Variants in PANX1 observed in about 807,000 individuals in gnomAD.
PANX1 encodes pannexin 1.
Under a neutral mutation model 38.7 loss-of-function variants are expected in PANX1, and 30 were observed. The observed-to-expected ratio is 0.78, with a 90% CI of 0.58 to 1.05. The LOEUF (loss-of-function observed/expected upper bound fraction) is 1.05, where lower values mean the gene tolerates loss of function less well. Ranked by LOEUF, PANX1 falls within the 50% of genes least tolerant of loss-of-function variation. PANX1 has a pLI of 0.00. For missense variants in PANX1, 551 were observed against 517.2 expected (o/e 1.07, Z -0.63); for synonymous variants, 230 against 212.2 (o/e 1.08, Z -0.73).
intron 2 of PANX1, among the ~76,000 whole-genome samples, chr11:94,165,200 T>C (rs1300581459): frequency 6.6e-6 from 1 of 152,108 alleles, no homozygotes; most frequent in African/African-American, 2.4e-5. Context: ...AAGGACTTAC[T>C]ACTGCAATTT....
At chr11:94,158,471 G>A (rs11020663) in intron 2 of PANX1, among the ~76,000 whole-genome samples, 80,030 of 151,174 alleles carry the variant, frequency 0.53, 21,984 homozygotes, top group African/African-American at 0.67. Flanking sequence ...CACATCCCTT[G>A]TAAGTTGGAT....
chr11:94,160,786 T>G (rs1418758572), intron 2 of PANX1, among the ~76,000 whole-genome samples: 1 of 152,202 alleles, frequency 6.6e-6, no homozygotes, highest in Admixed American at 6.5e-5. Context: ...AGCTGGTTAT[T>G]TTGCCGTTAG....
chr11:94,145,030 A>T (rs1227642828), intron 1 of PANX1, among the ~76,000 whole-genome samples: 1 of 152,210 alleles, frequency 6.6e-6, no homozygotes, highest in Non-Finnish European at 1.5e-5. Flanking sequence ...CATAGGGGAA[A>T]TGATATCAAC....
At chr11:94,171,358 A>G (rs1947164591) in intron 2 of PANX1, among the ~76,000 whole-genome samples, 1 of 151,724 alleles carries the variant, frequency 6.6e-6, no homozygotes, top group Non-Finnish European at 1.5e-5. Context: ...TTGACATGAA[A>G]ATATCTTGCC....
chr11:94,135,532 G>A (rs952826249), intron 1 of PANX1, among the ~76,000 whole-genome samples: 1 of 152,158 alleles, frequency 6.6e-6, no homozygotes, highest in Non-Finnish European at 1.5e-5. Context: ...TTGTCTATCA[G>A]AGTGGGCCAA....
rs759950222 is a variant in PANX1, at chr11:94,129,316, G to C, written c.4G>C (p.Ala2Pro). The change falls in exon 1 of 5, where the codon GCC (alanine) becomes CCC (proline). Residue 2 changes from alanine to proline, a missense_variant. By Grantham distance (27) the Ala-to-Pro change is conservative (BLOSUM62 -1). Coordinates refer to ENST00000227638, the MANE Select transcript of PANX1 (RefSeq NM_015368.4). ...TCGAGCCTGGCGCGCCGCAGCCATGGCCATCGCTCAACTGGCCACGGAGTA... is the reference window on the plus strand; with the variant it reads ...TCGAGCCTGGCGCGCCGCAGCCATGCCCATCGCTCAACTGGCCACGGAGTA... M[A>P]IAQLATEYVF... The C allele has an allele frequency of 1.6e-5, 25 of 1,605,790 alleles. No homozygotes were observed. Among genetic ancestry groups the C allele is most frequent in the Non-Finnish European group, 1.2e-5 (14 of 1,173,748 alleles).
chr11:94,142,209 C>A (rs1392124127), intron 1 of PANX1, among the ~76,000 whole-genome samples: 2 of 152,198 alleles, frequency 1.3e-5, no homozygotes, highest in East Asian at 3.9e-4. Flanking sequence ...CTTCCCTACC[C>A]CTTGGATTCC....
At chr11:94,156,558 G>T in intron 2 of PANX1, among the ~76,000 whole-genome samples, 1 of 152,072 alleles carries the variant, frequency 6.6e-6, no homozygotes, top group Non-Finnish European at 1.5e-5. Context: ...AGGGACAAGA[G>T]TCCTGATTTA....
intron 1 of PANX1, among the ~76,000 whole-genome samples, chr11:94,146,242 T>C (rs1299089847): frequency 6.6e-6 from 1 of 152,170 alleles, no homozygotes; most frequent in Non-Finnish European, 1.5e-5. Flanking sequence ...AAATATTGAA[T>C]AACAAAGGAT....
intron 1 of PANX1, among the ~76,000 whole-genome samples, chr11:94,142,581 C>T (rs1349762204): frequency 2.0e-5 from 3 of 152,182 alleles, no homozygotes; most frequent in Non-Finnish European, 4.4e-5. Context: ...CCTTTGAGTA[C>T]GAACATTTGT....
At chr11:94,161,420 C>T (rs1234727996) in intron 2 of PANX1, among the ~76,000 whole-genome samples, 1 of 151,872 alleles carries the variant, frequency 6.6e-6, no homozygotes, top group African/African-American at 2.4e-5. Flanking sequence ...GGCTTTGTTT[C>T]TTTTTACTCT....
intron 2 of PANX1, among the ~76,000 whole-genome samples, chr11:94,165,651 C>G (rs1235413724): frequency 6.6e-6 from 1 of 152,194 alleles, no homozygotes; most frequent in Non-Finnish European, 1.5e-5. Context: ...TGGCTCATGC[C>G]TGTAATCCCA....
chr11:94,147,987 CCTG>C (rs1946846803), intron 1 of PANX1, among the ~76,000 whole-genome samples: 1 of 152,026 alleles, frequency 6.6e-6, no homozygotes, highest in Non-Finnish European at 1.5e-5. Flanking sequence ...AGGTGTTAGC[CCTG>C]ATGTGTTCTC....
chr11:94,180,951 AGCTGGTTT>A lies in PANX1; in HGVS notation c.*85_*92del, dbSNP rs1351957798. The A allele has an allele frequency of 7.5e-6, 6 of 803,292 alleles. No homozygotes were observed. The highest frequency in any genetic ancestry group is 1.7e-5 in the African/African-American group (1 of 58,688). 49.8% of individuals were successfully genotyped at this position (803,292 alleles called of 1,614,324 possible). Reference sequence around the variant, plus strand: ...GCTAAAGCACCCCTGTTGGTTTCACAGCTGGTTTGCAATAAATGGTTCTTGGTGGAGAT... The same window carrying A: ...GCTAAAGCACCCCTGTTGGTTTCACAGCAATAAATGGTTCTTGGTGGAGAT... On this transcript the variant is annotated 3_prime_UTR_variant, in exon 5 of 5. Transcript: ENST00000227638.
At chr11:94,139,627 C>G (rs749595860) in intron 1 of PANX1, among the ~76,000 whole-genome samples, 1 of 152,186 alleles carries the variant, frequency 6.6e-6, no homozygotes, top group Non-Finnish European at 1.5e-5. Flanking sequence ...GACTCTCAGC[C>G]CCAACCCCTG....
rs565075801 is a variant in PANX1, at chr11:94,170,636, C to T, written c.322-7733C>T. On this transcript the variant is annotated intron_variant, in intron 2 of 4. Transcript: ENST00000227638. The stretch of plus-strand genomic sequence containing the variant: ...TTCTCCACACTGAGCAGACTCGGGA[C>T]TGTTAAGCTGTTAGGGTCCTCTCAT... Among the ~76,000 whole-genome samples, 41 of 151,854 alleles carry T rather than the reference C, an allele frequency of 2.7e-4. 3 individuals carry two copies. Among genetic ancestry groups the T allele is most frequent in the African/African-American group, 9.7e-4 (40 of 41,146 alleles).
intron 2 of PANX1, among the ~76,000 whole-genome samples, chr11:94,157,638 C>T (rs1289216912): frequency 6.6e-6 from 1 of 152,016 alleles, no homozygotes; most frequent in South Asian, 2.1e-4. Flanking sequence ...TGGATATTAG[C>T]CCTTTGTCAG....
chr11:94,137,139 A>C (rs548468815), intron 1 of PANX1, among the ~76,000 whole-genome samples: 11 of 152,222 alleles, frequency 7.2e-5, no homozygotes, highest in African/African-American at 2.2e-4. Flanking sequence ...CTCCGTCTCT[A>C]CTTAAAATAC....
intron 2 of PANX1, among the ~76,000 whole-genome samples, chr11:94,173,279 T>TC (rs1379150463): frequency 5.3e-5 from 8 of 151,688 alleles, no homozygotes; most frequent in Non-Finnish European, 1.2e-4. Context: ...CTGTTCGTGG[T>TC]CTTCTGGTCT....
Sources: gnomAD v4.1 joint callset for allele counts (sites outside exome capture counted in the v4.1 genomes callset) on GRCh38, gnomAD v4.1.1 for gene constraint, MANE v1.5 for transcripts, NCBI Gene and HGNC (gene_info 2026-07-23, HGNC 2026-07-21) for gene names.